Variants in PCDH17 observed in about 807,000 individuals in gnomAD.
The protein encoded by PCDH17 is protocadherin-17.
Under a neutral mutation model 67.7 loss-of-function variants are expected in PCDH17, and 21 were observed. That is an observed-to-expected ratio of 0.31 (90% CI 0.22 to 0.45). PCDH17 has a LOEUF of 0.45. Ranked by LOEUF, PCDH17 falls within the 20% of genes least tolerant of loss-of-function variation. PCDH17 has a pLI of 1.00. For missense variants in PCDH17, 1,471 were observed against 1,564.8 expected (o/e 0.94, Z 1.01); for synonymous variants, 701 against 656.7 (o/e 1.07, Z -1.03).
intron 3 of PCDH17, among the ~76,000 whole-genome samples, chr13:57,678,144 CATAT>C (rs10627550): frequency 6.8e-6 from 1 of 147,450 alleles, no homozygotes; most frequent in Non-Finnish European, 1.5e-5. Flanking sequence ...TCTCTATCTC[CATAT>C]ATATATATAT....
intron 1 of PCDH17, among the ~76,000 whole-genome samples, chr13:57,642,489 G>A (rs1045214698): frequency 6.6e-6 from 1 of 151,592 alleles, no homozygotes; most frequent in African/African-American, 2.4e-5. Flanking sequence ...ATGCTTTACA[G>A]TTACCTTACA....
chr13:57,683,746 A>G (rs1448681066), intron 3 of PCDH17, among the ~76,000 whole-genome samples: 2 of 151,868 alleles, frequency 1.3e-5, no homozygotes, highest in African/African-American at 2.4e-5. Flanking sequence ...CCCAGAAGAC[A>G]CATTTCTAAT....
intron 3 of PCDH17, among the ~76,000 whole-genome samples, chr13:57,669,388 T>C (rs556645321): frequency 4.3e-4 from 65 of 152,120 alleles, no homozygotes; most frequent in African/African-American, 1.5e-3. Context: ...CCCCTCTTCA[T>C]GTTCCCCTCC....
At chr13:57,682,091 T>C (rs1436474520) in intron 3 of PCDH17, among the ~76,000 whole-genome samples, 6 of 151,704 alleles carry the variant, frequency 4.0e-5, no homozygotes, top group African/African-American at 1.5e-4. Flanking sequence ...ACTCCATTTT[T>C]TTTCCTCCAT....
chr13:57,633,578 C>T lies in PCDH17; in HGVS notation c.1032C>T (p.Arg344=). Residue 344 remains arginine (R), a synonymous_variant, in exon 1 of 4, where the codon CGC becomes CGT. Coordinates refer to ENST00000377918, the MANE Select transcript of PCDH17 (RefSeq NM_001040429.3). This position sits in a 1 kb window ranked among gnomAD's most constrained non-coding sequence, Gnocchi z 6.2. ...HCKVTVKLID[R]NDNAPSIGFV... is the part of the protein sequence containing the mutation. ...AAGTCACGGTCAAGCTCATCGACCG[C>T]AACGACAATGCGCCGTCCATCGGTT... 6.2e-7 allele frequency: 1 copy of T among 1,613,444 alleles called. No individual in the cohort carries two copies. Among genetic ancestry groups the T allele is most frequent in the Non-Finnish European group, 8.5e-7 (1 of 1,180,014 alleles).
chr13:57,644,593 C>A (rs141501609), intron 1 of PCDH17, among the ~76,000 whole-genome samples: 2 of 151,410 alleles, frequency 1.3e-5, no homozygotes, highest in Admixed American at 6.6e-5. Context: ...AATTACAATA[C>A]CCCCCTTGGG....
chr13:57,645,172 G>C (rs1384753999), intron 1 of PCDH17, among the ~76,000 whole-genome samples: 1 of 151,574 alleles, frequency 6.6e-6, no homozygotes, highest in Non-Finnish European at 1.5e-5. Flanking sequence ...AGTCTGTAAA[G>C]TGTTAAACCT....
chr13:57,671,718 T>C (rs1041018661), intron 3 of PCDH17, among the ~76,000 whole-genome samples: 3 of 152,116 alleles, frequency 2.0e-5, no homozygotes, highest in Non-Finnish European at 4.4e-5. Context: ...TAAGTGATAG[T>C]TCCCAATTTT....
Position 57,725,022 on chromosome 13 carries a change from C to G in PCDH17, c.3208C>G (p.Gln1070Glu), listed in dbSNP as rs1332211447. The G allele has an allele frequency of 6.2e-7, 1 of 1,614,078 alleles. No individual in the cohort carries two copies. The highest frequency in any genetic ancestry group is 8.5e-7 in the Non-Finnish European group (1 of 1,180,034). Residue 1070 changes from glutamine (Q) to glutamate (E), a missense_variant, in exon 4 of 4, where the codon CAG becomes GAG. Coordinates refer to ENST00000377918, the MANE Select transcript of PCDH17 (RefSeq NM_001040429.3). ...AGGAGCCCTGGCTGAAGCAAGCAGT[C>G]AGTACTTGCCCACTGACAGTCAATA... ...KPGALAEASS[Q>E]YLPTDSQYLS...
chr13:57,635,183 C>A, intron 1 of PCDH17, 72 bp downstream of exon 1: 1 of 1,467,362 alleles, frequency 6.8e-7, no homozygotes, highest in East Asian at 2.3e-5. Flanking sequence ...ACCTTTGGAA[C>A]AGGGCAAGCC....
intron 3 of PCDH17, among the ~76,000 whole-genome samples, chr13:57,709,409 A>G (rs1265183622): frequency 6.6e-6 from 1 of 151,618 alleles, no homozygotes; most frequent in Non-Finnish European, 1.5e-5. Context: ...TCTTCCATGG[A>G]CCTAGGAATA....
At chr13:57,686,145 A>G (rs9569726) in intron 3 of PCDH17, among the ~76,000 whole-genome samples, 37,307 of 151,782 alleles carry the variant, frequency 0.25, 5,303 homozygotes, top group East Asian at 0.53. Flanking sequence ...ATTAATAAAT[A>G]TTTGTTCATC....
chr13:57,648,087 A>G lies in PCDH17; in HGVS notation c.2565+12976A>G, dbSNP rs1041262623. Among the ~76,000 whole-genome samples the G allele has an allele frequency of 4.6e-5, 7 of 151,918 alleles. No individual in the cohort carries two copies. The South Asian group carries it at 6.2e-4, about 13-fold the overall frequency. On this transcript the variant is annotated intron_variant, in intron 1 of 3. Transcript: ENST00000377918. ...ATCCATTATTTAACTAGAGAAATCA[A>G]ATCGCCAAGGAGACATCTGTTATTT... is the stretch of plus-strand genomic sequence containing the variant.
chr13:57,712,786 G>T (rs778605825), intron 3 of PCDH17, among the ~76,000 whole-genome samples: 12 of 151,368 alleles, frequency 7.9e-5, no homozygotes, highest in Middle Eastern at 3.2e-3. Context: ...TTTTAGATTG[G>T]ATTCAGATTA....
intron 3 of PCDH17, among the ~76,000 whole-genome samples, chr13:57,714,007 C>G (rs988647649): frequency 6.6e-6 from 1 of 151,560 alleles, no homozygotes; most frequent in Non-Finnish European, 1.5e-5. Flanking sequence ...AGACCTATCC[C>G]AAGTAGAAAT....
In PCDH17 at chr13:57,724,607, T is replaced by G; in HGVS notation, c.2798-5T>G. On this transcript the variant is annotated splice_region_variant and splice_polypyrimidine_tract_variant and intron_variant, in intron 3 of 3. Coordinates refer to ENST00000377918, the MANE Select transcript of PCDH17 (RefSeq NM_001040429.3). ...GGATTTGCTGTTTTCTCTTTTGTTT[T>G]GCAGAACCAGAAGAGTGTGTTAATT... 1 of 1,598,270 alleles carries G rather than the reference T, an allele frequency of 6.3e-7. No individual in the cohort carries two copies. Among genetic ancestry groups the G allele is most frequent in the Non-Finnish European group, 8.5e-7 (1 of 1,169,712 alleles).
chr13:57,632,449 G>A lies in PCDH17; in HGVS notation c.-98G>A. On this transcript the variant is annotated 5_prime_UTR_variant, in exon 1 of 4. Coordinates refer to ENST00000377918, the MANE Select transcript of PCDH17 (RefSeq NM_001040429.3). Reference sequence around the variant, plus strand: ...AAGGACCCATAGACTTGTGGCTCGCGTCGCGCGCGCACGCTGCGCCAGGGC... The same window carrying A: ...AAGGACCCATAGACTTGTGGCTCGCATCGCGCGCGCACGCTGCGCCAGGGC... 1 of 1,275,968 alleles carries A rather than the reference G, an allele frequency of 7.8e-7. No homozygotes were observed. The highest frequency in any genetic ancestry group is 1.1e-6 in the Non-Finnish European group (1 of 936,050). The allele number at this position is 1,275,968 out of a possible 1,614,324, so 79.0% of individuals were successfully genotyped here.
intron 3 of PCDH17, among the ~76,000 whole-genome samples, chr13:57,691,445 A>T (rs181522115): frequency 1.3e-5 from 2 of 151,384 alleles, no homozygotes; most frequent in East Asian, 3.9e-4. Context: ...ATGATGGGAT[A>T]AAAACTAATC....
chr13:57,667,595 T>C (rs759499293), intron 3 of PCDH17, among the ~76,000 whole-genome samples: 1 of 151,862 alleles, frequency 6.6e-6, no homozygotes, highest in African/African-American at 2.4e-5. Context: ...AGAACTGTAG[T>C]TGATATAGTA....
Sources: allele counts gnomAD v4.1 joint callset (sites outside exome capture counted in the v4.1 genomes callset), GRCh38; gene constraint gnomAD v4.1.1; non-coding constraint Gnocchi (gnomAD v3.1); transcripts MANE v1.5; gene names NCBI Gene and HGNC (gene_info 2026-07-23, HGNC 2026-07-21).